CERS3: variants seen among roughly 807,000 people sequenced by gnomAD.
The protein encoded by CERS3 is ceramide synthase 3.
Under a neutral mutation model 50.3 loss-of-function variants are expected in CERS3, and 33 were observed. The observed-to-expected ratio is 0.66, with a 90% CI of 0.50 to 0.88. The LOEUF is 0.88. Among genes scored for constraint, CERS3 ranks in the 40% least tolerant of loss-of-function variants. The pLI is 0.00. For synonymous variants in CERS3, 176 were observed against 155.2 expected, an observed-to-expected ratio of 1.13 and a Z score of -0.99; for missense variants, 470 against 460.3, an observed-to-expected ratio of 1.02 and a Z score of -0.19.
intron 5 of CERS3, among the ~76,000 whole-genome samples, chr15:100,482,469 C>T (rs1055970395): frequency 7.2e-5 from 11 of 152,208 alleles, no homozygotes; most frequent in East Asian, 1.9e-4. Flanking sequence ...TCCACCCAGC[C>T]GGGGAGAGCC....
At chr15:100,532,740 C>T (rs561382364), upstream of CERS3, among the ~76,000 whole-genome samples, 1 of 152,268 alleles carries the variant, frequency 6.6e-6, no homozygotes. Flanking sequence ...GACTGGGCGA[C>T]AGAGTAAGAC....
At chr15:100,453,204 A>T (rs1400878989) in intron 11 of CERS3, among the ~76,000 whole-genome samples, 1 of 152,204 alleles carries the variant, frequency 6.6e-6, no homozygotes, top group African/African-American at 2.4e-5. Context: ...CAACAAAAAA[A>T]TACTACAGGT....
chr15:100,450,380 T>C (rs983489830), intron 11 of CERS3, among the ~76,000 whole-genome samples: 1 of 132,170 alleles, frequency 7.6e-6, no homozygotes, highest in Non-Finnish European at 1.5e-5. Context: ...ATCGTGCCAC[T>C]GCACTCCAGC....
At chr15:100,473,907 G>C (rs1180281181) in intron 8 of CERS3, among the ~76,000 whole-genome samples, 1 of 152,198 alleles carries the variant, frequency 6.6e-6, no homozygotes, top group Non-Finnish European at 1.5e-5. Context: ...ATAAGAGGAT[G>C]AATAAAATGC....
chr15:100,516,144 G>A (rs958470504), intron 2 of CERS3, among the ~76,000 whole-genome samples: 2 of 152,214 alleles, frequency 1.3e-5, no homozygotes, highest in Non-Finnish European at 2.9e-5. Context: ...ACTCAAGGGT[G>A]CTGCACTGGC....
At chr15:100,490,989 C>A (rs2035633533) in intron 3 of CERS3, 58 bp from the exon 4 acceptor site, 1 of 1,001,958 alleles carries the variant, frequency 1.0e-6, no homozygotes, top group Non-Finnish European at 1.5e-6. Context: ...CACGATGACA[C>A]CAGAAAATTA....
intron 11 of CERS3, among the ~76,000 whole-genome samples, chr15:100,419,080 A>C (rs1293074601): frequency 1.8e-4 from 16 of 89,142 alleles, no homozygotes; most frequent in African/African-American, 4.3e-4. Flanking sequence ...CACACATAAC[A>C]ATACTAACTT....
chr15:100,418,019 A>G (rs2032093556), intron 11 of CERS3, among the ~76,000 whole-genome samples: 2 of 152,178 alleles, frequency 1.3e-5, no homozygotes, highest in Admixed American at 1.3e-4. Flanking sequence ...TAAAACGCAG[A>G]GCACCTCTCC....
At chr15:100,461,691 C>G (rs2142212131) in intron 10 of CERS3, among the ~76,000 whole-genome samples, 1 of 152,302 alleles carries the variant, frequency 6.6e-6, no homozygotes, top group East Asian at 1.9e-4. Context: ...GCAACACCCC[C>G]CAAGAGGGTG....
intron 11 of CERS3, among the ~76,000 whole-genome samples, chr15:100,443,136 CA>C (rs1353895581): frequency 6.6e-6 from 1 of 151,342 alleles, no homozygotes; most frequent in Non-Finnish European, 1.5e-5. Context: ...CTTCCCAATC[CA>C]AAGCCTCCTT....
At position 100,448,294 on chromosome 15, in the gene CERS3, A is replaced by G. The variant is rs140735358; in HGVS notation, c.999+7599T>C. ...CTTTGAACAGATCCTCTAAGAGAAGAGTAGAATTCAACAGAGAAGTGACAG... is the reference window on the plus strand; with the variant it reads ...CTTTGAACAGATCCTCTAAGAGAAGGGTAGAATTCAACAGAGAAGTGACAG... On this transcript the variant is annotated intron_variant, in intron 11 of 11. Coordinates refer to ENST00000679737, the MANE Select transcript of CERS3 (RefSeq NM_001378789.1). 1.8e-3 allele frequency among the ~76,000 whole-genome samples: 267 copies of G among 152,310 alleles called. 2 individuals carry two copies. Among genetic ancestry groups the G allele is most frequent in the African/African-American group, 6.2e-3 (256 of 41,576 alleles).
intron 10 of CERS3, among the ~76,000 whole-genome samples, chr15:100,466,845 C>T (rs748168075): frequency 5.8e-5 from 6 of 102,588 alleles, no homozygotes; most frequent in African/African-American, 2.1e-4. Context: ...CTCTCCCTCT[C>T]TCTTTCTCTC....
chr15:100,475,562 C>T lies in CERS3; in HGVS notation c.609+524G>A, dbSNP rs376065997. Among the ~76,000 whole-genome samples, 16 of 152,290 alleles carry T rather than the reference C, an allele frequency of 1.1e-4. No individual in the cohort carries two copies. In the South Asian group the frequency reaches 2.7e-3, roughly 26 times the overall value. ...ACCAAACCATTCCTAAAATACCTCA[C>T]TTTGTGACTTCAGAAGTGGCATTTA... On this transcript the variant is annotated intron_variant, in intron 8 of 11. Coordinates refer to ENST00000679737, the MANE Select transcript of CERS3 (RefSeq NM_001378789.1).
chr15:100,496,900 A>G (rs931198132), intron 3 of CERS3, among the ~76,000 whole-genome samples: 5 of 152,216 alleles, frequency 3.3e-5, no homozygotes, highest in African/African-American at 1.2e-4. Flanking sequence ...ATCTGATTAA[A>G]TGTATGTCAG....
At chr15:100,502,012 C>T (rs1454538727) in intron 2 of CERS3, among the ~76,000 whole-genome samples, 162 bp from the exon 3 acceptor site, 1 of 151,770 alleles carries the variant, frequency 6.6e-6, no homozygotes, top group African/African-American at 2.4e-5. Flanking sequence ...TTTGGGAGAC[C>T]AAGGCGGGCG....
intron 11 of CERS3, among the ~76,000 whole-genome samples, chr15:100,453,268 C>A (rs896629420): frequency 2.6e-5 from 4 of 152,044 alleles, no homozygotes; most frequent in Admixed American, 6.6e-5. Context: ...GCTAGCAAGC[C>A]AAATCCAACA....
chr15:100,437,996 T>A (rs2033501140), intron 11 of CERS3: 1 of 151,556 alleles, frequency 6.6e-6, no homozygotes, highest in Admixed American at 6.6e-5. Flanking sequence ...TGCATTTTAA[T>A]CTATGATCTT....
intron 11 of CERS3, among the ~76,000 whole-genome samples, chr15:100,403,226 A>G (rs2030696635): frequency 6.6e-6 from 1 of 152,212 alleles, no homozygotes; most frequent in Admixed American, 6.5e-5. Context: ...GAAAATGAAA[A>G]TGCAACATAT....
At chr15:100,536,097 AAGTGGGGATAT>A (rs2037067774) in intron 1 of CERS3, among the ~76,000 whole-genome samples, 1 of 125,270 alleles carries the variant, frequency 8.0e-6, no homozygotes, top group Non-Finnish European at 1.6e-5. Context: ...TGTGCACGGG[AAGTGGGGATAT>A]CCCTGTGCTC....
Sources: allele counts gnomAD v4.1 joint callset (sites outside exome capture counted in the v4.1 genomes callset), GRCh38; gene constraint gnomAD v4.1.1; transcripts MANE v1.5; gene names NCBI Gene and HGNC (gene_info 2026-07-23, HGNC 2026-07-21).